Variants in TLN2 observed in about 807,000 individuals in gnomAD.
TLN2 encodes the protein talin 2.
TLN2 carries 118 observed loss-of-function variants against 294.7 expected under a neutral mutation model. The ratio of observed to expected loss-of-function variants is 0.40; its 90% CI spans 0.34 to 0.47. The LOEUF (loss-of-function observed/expected upper bound fraction) is 0.47, where lower values mean the gene tolerates loss of function less well. TLN2 is among the 20% of genes least tolerant of loss of function. The pLI is 0.84. For synonymous variants in TLN2, 1,431 were observed against 1,304.5 expected (o/e 1.10, Z -2.09); for missense variants, 3,083 against 3,282.2 (o/e 0.94, Z 1.48).
intron 1 of TLN2, among the ~76,000 whole-genome samples, chr15:62,524,469 G>T (rs1596011708): frequency 6.6e-6 from 1 of 152,118 alleles, no homozygotes; most frequent in South Asian, 2.1e-4. Context: ...AAGACGCTGG[G>T]CTCAGAAGCA....
intron 1 of TLN2, among the ~76,000 whole-genome samples, chr15:62,443,545 G>T (rs1308345561): frequency 6.6e-6 from 1 of 152,132 alleles, no homozygotes; most frequent in African/African-American, 2.4e-5. Flanking sequence ...CCTCAAAGGA[G>T]GCCCAATCAA....
At chr15:62,825,086 G>C (rs1047069318) in intron 54 of TLN2, among the ~76,000 whole-genome samples, 12 of 152,112 alleles carry the variant, frequency 7.9e-5, no homozygotes, top group African/African-American at 2.9e-4. Context: ...TGGAGTCCTG[G>C]CTTCTGGAGT....
At chr15:62,607,193 T>C (rs1170342378) in intron 2 of TLN2, among the ~76,000 whole-genome samples, 1 of 152,176 alleles carries the variant, frequency 6.6e-6, no homozygotes, top group African/African-American at 2.4e-5. Context: ...TTAGACTTTC[T>C]CTTTCCTCTG....
chr15:62,737,554 G>A (rs951790905), intron 29 of TLN2, among the ~76,000 whole-genome samples: 2 of 152,208 alleles, frequency 1.3e-5, no homozygotes, highest in African/African-American at 4.8e-5. Flanking sequence ...TCCTGGACGT[G>A]GGGCTGGGAA....
chr15:62,543,972 G>A (rs10163168), intron 1 of TLN2, among the ~76,000 whole-genome samples: 263 of 152,198 alleles, frequency 1.7e-3, no homozygotes, highest in Middle Eastern at 0.01. Context: ...TGGGGCTGGC[G>A]TGGAGGGTAG....
intron 1 of TLN2, among the ~76,000 whole-genome samples, chr15:62,548,080 A>C (rs935460301): frequency 4.6e-5 from 7 of 152,208 alleles, no homozygotes; most frequent in African/African-American, 1.7e-4. Context: ...AAGATACTTA[A>C]AAGTATAAAA....
Position 62,546,085 on chromosome 15 carries a change from G to C in TLN2, c.-237-43602G>C, listed in dbSNP as rs77504911. On this transcript the variant is annotated intron_variant, in intron 1 of 58. Transcript: ENST00000636159. ...TGGGAGCAGCTGTTTCTGATTCTTG[G>C]GGGAAGAGCAAGTCCTCTGCTTTGA... 8.2e-3 allele frequency among the ~76,000 whole-genome samples: 1,253 copies of C among 152,268 alleles called. 13 individuals are homozygous for C. Among genetic ancestry groups the C allele is most frequent in the African/African-American group, 0.028 (1,150 of 41,554 alleles).
chr15:62,698,843 G>A lies in TLN2; in HGVS notation c.1563G>A (p.Ser521=), dbSNP rs146430103. The A allele has an allele frequency of 9.9e-6, 16 of 1,612,592 alleles. No homozygotes were observed. Among genetic ancestry groups the A allele is most frequent in the South Asian group, 5.5e-5 (5 of 91,056 alleles). ...AGGATGATCTCAGTGAGCTCGACTC[G>A]CTGCCACCTCTCGGCCAGGATATGG... is the stretch of plus-strand genomic sequence containing the variant. ...QAQDDLSELD[S]LPPLGQDMAS... The change falls in exon 16 of 59, where the codon TCG becomes TCA. Residue 521 remains serine, a synonymous_variant. Transcript: ENST00000636159.
At chr15:62,796,080 G>T in intron 46 of TLN2, 47 bp from the exon 47 acceptor site, 3 of 1,601,510 alleles carry the variant, frequency 1.9e-6, no homozygotes, top group Non-Finnish European at 2.6e-6. Context: ...TTTAGGTCCT[G>T]TTCTCTCCAT....
intron 1 of TLN2, among the ~76,000 whole-genome samples, chr15:62,470,083 C>T (rs2037381633): frequency 6.6e-6 from 1 of 152,190 alleles, no homozygotes; most frequent in African/African-American, 2.4e-5. Flanking sequence ...CTGCCAATTC[C>T]AGAAGGACAA....
intron 1 of TLN2, among the ~76,000 whole-genome samples, chr15:62,530,506 G>A (rs755113507): frequency 7.2e-5 from 11 of 152,042 alleles, no homozygotes; most frequent in Non-Finnish European, 1.3e-4. Context: ...ACAGGCACGC[G>A]CCACCATGCC....
intron 45 of TLN2, among the ~76,000 whole-genome samples, chr15:62,792,106 G>C (rs1387172152): frequency 6.6e-6 from 1 of 152,180 alleles, no homozygotes; most frequent in Non-Finnish European, 1.5e-5. Context: ...GCTGGGGAAG[G>C]GGGTGTTCTA....
At chr15:62,573,358 G>T (rs2044081851) in intron 1 of TLN2, among the ~76,000 whole-genome samples, 1 of 151,812 alleles carries the variant, frequency 6.6e-6, no homozygotes, top group Admixed American at 6.6e-5. Flanking sequence ...CCTCCCACTG[G>T]CCCAGCCCTT....
At chr15:62,699,309 G>A (rs915571611) in intron 16 of TLN2, among the ~76,000 whole-genome samples, 2 of 152,130 alleles carry the variant, frequency 1.3e-5, no homozygotes, top group South Asian at 2.1e-4. Context: ...ATTGCTACCC[G>A]TGGTTCTCAA....
At chr15:62,541,392 C>A (rs1357102534) in intron 1 of TLN2, among the ~76,000 whole-genome samples, 2 of 152,266 alleles carry the variant, frequency 1.3e-5, no homozygotes, top group Non-Finnish European at 1.5e-5. Context: ...ACTTTCTTGG[C>A]CTATTCTGTT....
chr15:62,641,500 C>T (rs1207482119), intron 3 of TLN2, among the ~76,000 whole-genome samples: 2 of 152,018 alleles, frequency 1.3e-5, no homozygotes, highest in African/African-American at 4.8e-5. Context: ...CCTGTAATCC[C>T]AGCTACTCGG....
At position 62,761,719 on chromosome 15, in the gene TLN2, G is replaced by T; in HGVS notation, c.4677G>T (p.Lys1559Asn). The stretch of plus-strand genomic sequence containing the variant: ...ATTTCTCTGAAGACAACCGCAATAA[G>T]TGTCGCATCGCCACCGCACCCTTGA... ...DGDFSEDNRN[K>N]CRIATAPLIE... is the part of the protein sequence containing the mutation. Residue 1559 changes from lysine (K) to asparagine (N), a missense_variant, in exon 38 of 59, where the codon AAG (lysine) becomes AAT (asparagine). Transcript: ENST00000636159. 1.2e-6 allele frequency: 2 copies of T among 1,614,166 alleles called. No individual in the cohort carries two copies. Among genetic ancestry groups the T allele is most frequent in the Non-Finnish European group, 1.7e-6 (2 of 1,180,036 alleles).
intron 16 of TLN2, among the ~76,000 whole-genome samples, chr15:62,699,857 G>A (rs2058605440): frequency 6.6e-6 from 1 of 152,212 alleles, no homozygotes; most frequent in South Asian, 2.1e-4. Context: ...TGTGGGTGGA[G>A]CCTGAGAATC....
chr15:62,398,108 G>C (rs1322407025), intron 1 of TLN2, among the ~76,000 whole-genome samples: 4 of 152,162 alleles, frequency 2.6e-5, no homozygotes, highest in Non-Finnish European at 5.9e-5. Flanking sequence ...AACTGTAGTT[G>C]CCATAATCCC....
Sources: allele counts gnomAD v4.1 joint callset (sites outside exome capture counted in the v4.1 genomes callset), GRCh38; gene constraint gnomAD v4.1.1; transcripts MANE v1.5; gene names NCBI Gene and HGNC (gene_info 2026-07-23, HGNC 2026-07-21).